LRBA: variants seen among roughly 807,000 people sequenced by gnomAD.
The protein encoded by LRBA is LPS responsive beige-like anchor protein.
In LRBA, 176 loss-of-function variants were observed where a neutral mutation model predicts 330.0. The ratio of observed to expected loss-of-function variants is 0.53; its 90% confidence interval spans 0.47 to 0.60. The LOEUF (loss-of-function observed/expected upper bound fraction) is 0.60, where lower values mean the gene tolerates loss of function less well. Ranked by LOEUF, LRBA falls within the 20% of genes least tolerant of loss-of-function variation. LRBA has a pLI of 0.00. For missense variants in LRBA, 3,259 were observed against 3,444.8 expected (o/e 0.95, Z 1.35); for synonymous variants, 1,230 against 1,193.0 (o/e 1.03, Z -0.64).
intron 36 of LRBA, among the ~76,000 whole-genome samples, chr4:150,695,485 G>A (rs1292070181): frequency 6.6e-6 from 1 of 152,092 alleles, no homozygotes; most frequent in Admixed American, 6.6e-5. Context: ...ACCATGCCCA[G>A]CTAATATTTT....
intron 47 of LRBA, among the ~76,000 whole-genome samples, chr4:150,377,723 G>A (rs1421107992): frequency 1.3e-5 from 2 of 152,010 alleles, no homozygotes; most frequent in Non-Finnish European, 2.9e-5. Flanking sequence ...ATAGGAGCCT[G>A]GAGTCTATCA....
chr4:150,317,348 G>T (rs971434097), intron 50 of LRBA, among the ~76,000 whole-genome samples: 8 of 152,098 alleles, frequency 5.3e-5, no homozygotes, highest in Non-Finnish European at 1.0e-4. Flanking sequence ...CTCTGTCATA[G>T]TTTCTCCAGT....
intron 46 of LRBA, chr4:150,422,814 T>G: frequency 6.8e-7 from 1 of 1,467,748 alleles, no homozygotes; most frequent in East Asian, 2.3e-5. Flanking sequence ...CGGTTTGCCC[T>G]GGAACTTGCC....
At chr4:150,994,018 T>G (rs1742377875) in intron 2 of LRBA, among the ~76,000 whole-genome samples, 1 of 144,446 alleles carries the variant, frequency 6.9e-6, no homozygotes, top group South Asian at 2.2e-4. Flanking sequence ...TGAGCCGAGA[T>G]CATACCACTG....
chr4:150,891,845 G>T (rs772405246), intron 17 of LRBA, among the ~76,000 whole-genome samples: 3 of 152,086 alleles, frequency 2.0e-5, no homozygotes, highest in Non-Finnish European at 2.9e-5. Context: ...ACCAAATAAA[G>T]AATCTGTTAT....
intron 52 of LRBA, 143 bp from the exon 53 acceptor site, chr4:150,302,935 AAC>A (rs1729864728): frequency 1.8e-6 from 1 of 541,470 alleles, no homozygotes; most frequent in East Asian, 3.2e-5. Flanking sequence ...GGTCCAACCT[AAC>A]AGTTTTCTTT....
At chr4:150,344,571 T>C (rs1274440233) in intron 48 of LRBA, among the ~76,000 whole-genome samples, 1 of 152,208 alleles carries the variant, frequency 6.6e-6, no homozygotes, top group Non-Finnish European at 1.5e-5. Flanking sequence ...TTAAAAGTAT[T>C]ATTTTTTAAA....
chr4:150,986,885 A>G (rs1388829896), intron 2 of LRBA, among the ~76,000 whole-genome samples: 1 of 152,214 alleles, frequency 6.6e-6, no homozygotes, highest in East Asian at 1.9e-4. Flanking sequence ...GATAGGTGAA[A>G]GGAGAGAAAG....
rs1294793389 is a variant in LRBA at position 150,265,780 on chromosome 4, A to G, written c.8501T>C (p.Ile2834Thr). ...CIISGMASGS[I>T]VLFYNDFNRW... Reference sequence around the variant, plus strand: ...GTTAAAGTCGTTGTAAAATAGCACAATGCTTCCTGAAGCCATGCCAGAAAT... The same window carrying G: ...GTTAAAGTCGTTGTAAAATAGCACAGTGCTTCCTGAAGCCATGCCAGAAAT... The change falls in exon 57 of 57, where the codon ATT (isoleucine) becomes ACT (threonine). Residue 2834 changes from isoleucine (I) to threonine (T), a missense_variant. By Grantham distance (89) the Ile-to-Thr change is moderately conservative (BLOSUM62 -1). Coordinates refer to ENST00000651943, the MANE Select transcript of LRBA (RefSeq NM_001364905.1). 4 of 1,613,380 alleles carry G rather than the reference A, an allele frequency of 2.5e-6. No individual in the cohort carries two copies. Among genetic ancestry groups the G allele is most frequent in the East Asian group, 2.2e-5 (1 of 44,874 alleles).
At chr4:150,867,548 G>C (rs1189170730) in intron 22 of LRBA, 123 bp downstream of exon 22, 2 of 636,508 alleles carry the variant, frequency 3.1e-6, no homozygotes, top group Non-Finnish European at 5.2e-6. Context: ...TCATTTTGCT[G>C]TACTTTCAGA....
At chr4:150,568,823 A>C (rs1292689443) in intron 40 of LRBA, among the ~76,000 whole-genome samples, 4 of 152,166 alleles carry the variant, frequency 2.6e-5, no homozygotes, top group African/African-American at 4.8e-5. Flanking sequence ...ATTCGGTTTT[A>C]AAATGCCTTA....
chr4:150,506,830 C>G (rs1168037578), intron 40 of LRBA, among the ~76,000 whole-genome samples: 4 of 152,136 alleles, frequency 2.6e-5, no homozygotes, highest in Non-Finnish European at 4.4e-5. Flanking sequence ...TAGAAAACCC[C>G]ATTGTCTCAG....
intron 40 of LRBA, among the ~76,000 whole-genome samples, chr4:150,497,847 C>T (rs779441643): frequency 8.5e-5 from 13 of 152,176 alleles, no homozygotes; most frequent in Admixed American, 2.0e-4. Context: ...AAAACCACAG[C>T]AAATGATGTA....
chr4:150,371,185 T>TTTC (rs1740248702), intron 47 of LRBA, among the ~76,000 whole-genome samples: 1 of 117,318 alleles, frequency 8.5e-6, no homozygotes, highest in African/African-American at 3.9e-5. Flanking sequence ...CTACTAAATT[T>TTTC]TTTTTTTTTT....
chr4:150,634,147 C>T (rs1777657146), intron 37 of LRBA, among the ~76,000 whole-genome samples: 1 of 152,082 alleles, frequency 6.6e-6, no homozygotes, highest in Non-Finnish European at 1.5e-5. Context: ...CATCTAGCTA[C>T]CTCCTACTAA....
chr4:150,643,394 T>G (rs1004137254), intron 37 of LRBA, among the ~76,000 whole-genome samples: 1 of 151,906 alleles, frequency 6.6e-6, no homozygotes, highest in Non-Finnish European at 1.5e-5. Context: ...TAAGAGATAG[T>G]GATGGAGGCA....
At chr4:150,388,429 G>A (rs1743392692) in intron 47 of LRBA, among the ~76,000 whole-genome samples, 1 of 152,084 alleles carries the variant, frequency 6.6e-6, no homozygotes, top group Non-Finnish European at 1.5e-5. Context: ...CCATTCCAAG[G>A]TCAACTCTAA....
chr4:150,337,953 C>T (rs910616993), intron 48 of LRBA, among the ~76,000 whole-genome samples: 3 of 152,050 alleles, frequency 2.0e-5, no homozygotes, highest in Non-Finnish European at 4.4e-5. Context: ...CTGCTGACTC[C>T]CACCAACAGA....
chr4:150,754,275 G>GAC, intron 35 of LRBA, among the ~76,000 whole-genome samples: 1 of 144,650 alleles, frequency 6.9e-6, no homozygotes, highest in African/African-American at 2.9e-5. Flanking sequence ...AGAAACATAT[G>GAC]CTTATCCTAA....
Sources: allele counts gnomAD v4.1 joint callset (sites outside exome capture counted in the v4.1 genomes callset), GRCh38; gene constraint gnomAD v4.1.1; transcripts MANE v1.5; gene names NCBI Gene and HGNC (gene_info 2026-07-23, HGNC 2026-07-21).